UBAP1: variants seen among roughly 807,000 people sequenced by gnomAD.
UBAP1 encodes ubiquitin-associated protein 1.
A neutral mutation model predicts 39.0 loss-of-function variants in UBAP1; 5 were observed. The observed-to-expected ratio is 0.13, with a 90% CI of 0.07 to 0.27. UBAP1 has a LOEUF of 0.27. Among genes scored for constraint, UBAP1 ranks in the 10% least tolerant of loss-of-function variants. The pLI is 1.00. For missense variants in UBAP1, 490 were observed against 608.1 expected (o/e 0.81, Z 2.04); for synonymous variants, 211 against 225.1 (o/e 0.94, Z 0.56).
In UBAP1 at chr9:34,241,788, C is replaced by T. The variant is rs766207887; in HGVS notation, c.763C>T (p.Pro255Ser). 6.2e-6 allele frequency: 10 copies of T among 1,614,058 alleles called. No individual in the cohort carries two copies. In the South Asian group the frequency reaches 1.1e-4, roughly 18 times the overall value. Residue 255 changes from proline (P) to serine (S), a missense_variant, in exon 4 of 7, where the codon CCC (proline) becomes TCC (serine). Around this residue, in one of 3 missense-constraint regions of UBAP1, gnomAD observed 339 missense variants for 390.0 expected, o/e 0.87. Coordinates refer to ENST00000297661, the MANE Select transcript of UBAP1 (RefSeq NM_016525.5). ...GTCACTGTCTTCCAAAGTGTCCCTC[C>T]CCCCTATACCTGCAGTAAGCAATAT... ...KMSLSSKVSL[P>S]PIPAVSNIKS... is the part of the protein sequence containing the mutation.
At chr9:34,199,802 A>ATTT (rs34239421) in intron 1 of UBAP1, among the ~76,000 whole-genome samples, 2 of 119,680 alleles carry the variant, frequency 1.7e-5, no homozygotes, top group Admixed American at 8.9e-5. Context: ...TGCCTGGCTG[A>ATTT]TTTTTTTTTT....
chr9:34,235,293 ATGTG>A (rs1215120476), intron 3 of UBAP1, among the ~76,000 whole-genome samples: 1 of 137,954 alleles, frequency 7.2e-6, no homozygotes, highest in African/African-American at 2.6e-5. Context: ...ATTTGTGTAT[ATGTG>A]TATATATATA....
At chr9:34,218,741 C>T (rs1832488333) in intron 1 of UBAP1, among the ~76,000 whole-genome samples, 1 of 152,004 alleles carries the variant, frequency 6.6e-6, no homozygotes, top group African/African-American at 2.4e-5. Flanking sequence ...TAAGACCAGC[C>T]TATCCAACAT....
At chr9:34,222,788 C>T (rs868604020) in intron 2 of UBAP1, among the ~76,000 whole-genome samples, 18 of 151,956 alleles carry the variant, frequency 1.2e-4, no homozygotes, top group African/African-American at 3.1e-4. Context: ...ACATGAGAGC[C>T]TGTCTCAAAC....
chr9:34,206,209 A>C (rs529748281), intron 1 of UBAP1: 1 of 152,350 alleles, frequency 6.6e-6, no homozygotes, highest in African/African-American at 2.4e-5. Context: ...ATCAGACAAG[A>C]TCAGGAGCGT....
chr9:34,246,859 C>T (rs1168358730), intron 4 of UBAP1, among the ~76,000 whole-genome samples: 1 of 152,190 alleles, frequency 6.6e-6, no homozygotes, highest in African/African-American at 2.4e-5. Context: ...CTCAAACACT[C>T]ATATTTAATT....
At chr9:34,226,622 T>C (rs1463354289) in intron 2 of UBAP1, among the ~76,000 whole-genome samples, 1 of 152,194 alleles carries the variant, frequency 6.6e-6, no homozygotes, top group Non-Finnish European at 1.5e-5. Context: ...GACAGGAGGA[T>C]TGCTTAAGCC....
chr9:34,213,037 T>C (rs1322330242), intron 1 of UBAP1, among the ~76,000 whole-genome samples: 1 of 152,196 alleles, frequency 6.6e-6, no homozygotes, highest in Non-Finnish European at 1.5e-5. Context: ...GATGCAGGGA[T>C]GGTTTAACAT....
intron 1 of UBAP1, among the ~76,000 whole-genome samples, chr9:34,198,232 C>T (rs1329534212): frequency 3.3e-5 from 5 of 152,174 alleles, no homozygotes; most frequent in Non-Finnish European, 7.3e-5. Context: ...TCAGGTGAGG[C>T]TACAGGGTAT....
intron 1 of UBAP1, among the ~76,000 whole-genome samples, chr9:34,182,617 TTCTTTCTTTCTTTC>T (rs1386515867): frequency 2.0e-4 from 5 of 25,336 alleles, no homozygotes; most frequent in African/African-American, 9.5e-4. Context: ...CTTTCTTTCC[TTCTTTCTTTCTTTC>T]TTTCTTTCTT....
chr9:34,197,611 A>G (rs1168900661), intron 1 of UBAP1, among the ~76,000 whole-genome samples: 1 of 151,962 alleles, frequency 6.6e-6, no homozygotes, highest in Non-Finnish European at 1.5e-5. Flanking sequence ...GTGCAGTGGC[A>G]CGATCTCAGC....
At chr9:34,238,779 A>G (rs534052186) in intron 3 of UBAP1, among the ~76,000 whole-genome samples, 1 of 152,238 alleles carries the variant, frequency 6.6e-6, no homozygotes, top group Non-Finnish European at 1.5e-5. Context: ...ACCTTTGTAC[A>G]TGATACTATT....
chr9:34,224,804 T>G (rs1437097114), intron 2 of UBAP1, among the ~76,000 whole-genome samples: 1 of 152,182 alleles, frequency 6.6e-6, no homozygotes, highest in East Asian at 1.9e-4. Context: ...AAGGCTAAAA[T>G]TAGAAAGCCA....
At chr9:34,234,087 A>G in intron 2 of UBAP1, 129 bp from the exon 3 acceptor site, 1 of 880,574 alleles carries the variant, frequency 1.1e-6, no homozygotes, top group Non-Finnish European at 1.7e-6. Context: ...GTAAGCAGTC[A>G]GAGAAGGAAC....
intron 2 of UBAP1, among the ~76,000 whole-genome samples, chr9:34,232,299 T>C (rs746709392): frequency 1.3e-5 from 2 of 152,098 alleles, no homozygotes; most frequent in African/African-American, 2.4e-5. Context: ...CCGGCCTGAG[T>C]TTCTTCTTAA....
In UBAP1 at chr9:34,192,221, A is replaced by G. The variant is rs114567339; in HGVS notation, c.-8+12981A>G. Among the ~76,000 whole-genome samples, 1,306 of 151,906 alleles carry G rather than the reference A, an allele frequency of 8.6e-3. 18 individuals carry two copies. The highest frequency in any genetic ancestry group is 0.03 in the African/African-American group (1,230 of 41,472). ...GCAGAACTGTGGACAGTGAGTTGAA[A>G]GATCTAAAGTTCAGGCCAGGCGCGG... On this transcript the variant is annotated intron_variant, in intron 1 of 6. Coordinates refer to ENST00000297661, the MANE Select transcript of UBAP1 (RefSeq NM_016525.5).
At chr9:34,242,922 C>T (rs974773762) in intron 4 of UBAP1, among the ~76,000 whole-genome samples, 3 of 152,332 alleles carry the variant, frequency 2.0e-5, no homozygotes, top group South Asian at 2.1e-4. Context: ...GAGACCATAA[C>T]AAGCCTGCTA....
At chr9:34,182,671 C>CTTTCTTTCTTTCTCTTCTCT (rs1554645027) in intron 1 of UBAP1, among the ~76,000 whole-genome samples, 1 of 87,946 alleles carries the variant, frequency 1.1e-5, no homozygotes, top group African/African-American at 4.3e-5. Flanking sequence ...TTCTTTCTTT[C>CTTTCTTTCTTTCTCTTCTCT]TTTCTTTCTT....
At chr9:34,185,117 A>G (rs971531426) in intron 1 of UBAP1, among the ~76,000 whole-genome samples, 1 of 151,004 alleles carries the variant, frequency 6.6e-6, no homozygotes, top group Non-Finnish European at 1.5e-5. Context: ...TATTTTTAGT[A>G]GAGATGGTGT....
Sources: allele counts gnomAD v4.1 joint callset (sites outside exome capture counted in the v4.1 genomes callset), GRCh38; gene constraint gnomAD v4.1.1; regional missense constraint gnomAD v4.1.1; transcripts MANE v1.5; gene names NCBI Gene and HGNC (gene_info 2026-07-23, HGNC 2026-07-21).